The following PAK5 variants were observed in gnomAD, a reference collection of about 807,000 sequenced individuals.
The protein encoded by PAK5 is serine/threonine-protein kinase PAK 5.
A neutral mutation model predicts 65.9 loss-of-function variants in PAK5; 16 were observed. That is an observed-to-expected ratio of 0.24 (90% CI 0.16 to 0.37). The LOEUF is 0.37. Among genes scored for constraint, PAK5 ranks in the 10% least tolerant of loss-of-function variants. The pLI is 1.00. For missense variants in PAK5, 785 were observed against 903.9 expected, an observed-to-expected ratio of 0.87 and a Z score of 1.69; for synonymous variants, 371 against 354.9, an observed-to-expected ratio of 1.05 and a Z score of -0.51.
At chr20:9,579,849 T>G (rs2045946572) in intron 4 of PAK5, among the ~76,000 whole-genome samples, 2 of 152,228 alleles carry the variant, frequency 1.3e-5, no homozygotes, top group Non-Finnish European at 2.9e-5. Context: ...AGTCACATCA[T>G]ATTTATCACT....
chr20:9,826,827 C>G (rs563147270), intron 1 of PAK5, among the ~76,000 whole-genome samples: 2 of 152,354 alleles, frequency 1.3e-5, no homozygotes, highest in East Asian at 3.8e-4. Flanking sequence ...AGGAATCACA[C>G]CACCAATTAG....
intron 4 of PAK5, among the ~76,000 whole-genome samples, chr20:9,569,954 G>A (rs763845054): frequency 6.7e-6 from 1 of 149,190 alleles, no homozygotes; most frequent in Non-Finnish European, 1.5e-5. Context: ...CCTGGTTGCA[G>A]AGAGAACACA....
chr20:9,675,468 A>G (rs2047557054), intron 2 of PAK5, among the ~76,000 whole-genome samples: 1 of 152,146 alleles, frequency 6.6e-6, no homozygotes. Flanking sequence ...AAATGAATGG[A>G]TAAAACTTAA....
At chr20:9,700,999 A>G (rs1390164080) in intron 2 of PAK5, among the ~76,000 whole-genome samples, 1 of 152,110 alleles carries the variant, frequency 6.6e-6, no homozygotes, top group Non-Finnish European at 1.5e-5. Context: ...ATTCCCATAG[A>G]GCAATGATAG....
At chr20:9,666,234 A>G (rs558526131) in intron 2 of PAK5, among the ~76,000 whole-genome samples, 2 of 152,174 alleles carry the variant, frequency 1.3e-5, no homozygotes, top group Non-Finnish European at 2.9e-5. Context: ...AACTTGAGTC[A>G]TATAATTGAA....
rs188675566 is a variant in PAK5 at position 9,835,881 on chromosome 20, G to T, written c.-162+2881C>A. Among the ~76,000 whole-genome samples the T allele has an allele frequency of 1.2e-3, 177 of 152,242 alleles. 1 individual carries two copies. Among genetic ancestry groups the T allele is most frequent in the Non-Finnish European group, 2.8e-4 (19 of 68,012 alleles). ...ACTAGAAAGTTGTTAGCTTGCCTTT[G>T]TTGCTATTATTGTTTTTGTTATTTA... On this transcript the variant is annotated intron_variant, in intron 1 of 9. Transcript: ENST00000353224.
At chr20:9,830,562 A>G (rs1045765584) in intron 1 of PAK5, among the ~76,000 whole-genome samples, 4 of 152,172 alleles carry the variant, frequency 2.6e-5, no homozygotes, top group Non-Finnish European at 1.5e-5. Context: ...TGCCTGATCT[A>G]TTTCCATATT....
intron 4 of PAK5, among the ~76,000 whole-genome samples, chr20:9,567,621 A>G (rs2045704156): frequency 6.6e-6 from 1 of 152,206 alleles, no homozygotes; most frequent in African/African-American, 2.4e-5. Context: ...ACATTCATTC[A>G]TTTATTTCAA....
At position 9,575,374 on chromosome 20, in the gene PAK5, C is replaced by T. The variant is rs190542694; in HGVS notation, c.990+4771G>A. Among the ~76,000 whole-genome samples the T allele has an allele frequency of 3.5e-3, 540 of 152,226 alleles. 5 individuals are homozygous for T. Among genetic ancestry groups the T allele is most frequent in the Non-Finnish European group, 4.0e-3 (274 of 68,008 alleles). On this transcript the variant is annotated intron_variant, in intron 4 of 9. Coordinates refer to ENST00000353224, the MANE Select transcript of PAK5 (RefSeq NM_177990.4). Reference sequence around the variant, plus strand: ...CCAGTTCAAAGTAGGTACTGAAACACTTTAGAGATGATGAAACTGATGCAC... The same window carrying T: ...CCAGTTCAAAGTAGGTACTGAAACATTTTAGAGATGATGAAACTGATGCAC...
rs761793584 is a variant in PAK5, at chr20:9,538,170, T to C, written c.*1292A>G. ...ACAAGCAACACAAAATGTATTGTAG[T>C]AGTCATTCATTTTTATCAACATTCA... is the stretch of plus-strand genomic sequence containing the variant. On this transcript the variant is annotated 3_prime_UTR_variant, in exon 10 of 10. Coordinates refer to ENST00000353224, the MANE Select transcript of PAK5 (RefSeq NM_177990.4). 3 of 233,358 alleles carry C rather than the reference T, an allele frequency of 1.3e-5. No individual in the cohort carries two copies. The highest frequency in any genetic ancestry group is 5.6e-5 in the Admixed American group (1 of 17,780). 14.5% of individuals were successfully genotyped at this position (233,358 alleles called of 1,614,324 possible). A position where few individuals can be genotyped will look rare whatever the true frequency, so the allele number is the denominator to read the frequency against.
At chr20:9,724,430 C>A (rs2048252693) in intron 1 of PAK5, among the ~76,000 whole-genome samples, 1 of 152,126 alleles carries the variant, frequency 6.6e-6, no homozygotes, top group Admixed American at 6.5e-5. Flanking sequence ...GCCAATGAAG[C>A]CAAAAGCTCA....
intron 4 of PAK5, among the ~76,000 whole-genome samples, chr20:9,567,378 C>A (rs1466893358): frequency 6.6e-6 from 1 of 152,172 alleles, no homozygotes; most frequent in African/African-American, 2.4e-5. Context: ...CCCCTACCAT[C>A]CACCCCAAGG....
At chr20:9,765,072 G>A (rs780500647) in intron 1 of PAK5, among the ~76,000 whole-genome samples, 19 of 152,078 alleles carry the variant, frequency 1.2e-4, no homozygotes, top group African/African-American at 3.9e-4. Context: ...TTGCTCCAGC[G>A]GTGACCATGG....
chr20:9,721,369 C>G (rs2048210718), intron 1 of PAK5, among the ~76,000 whole-genome samples: 1 of 152,116 alleles, frequency 6.6e-6, no homozygotes, highest in South Asian at 2.1e-4. Context: ...GAATGTTGGC[C>G]AGGTGTGGTG....
At chr20:9,724,794 A>G (rs1600291295) in intron 1 of PAK5, among the ~76,000 whole-genome samples, 1 of 152,172 alleles carries the variant, frequency 6.6e-6, no homozygotes, top group Non-Finnish European at 1.5e-5. Flanking sequence ...CATAGCACAA[A>G]GATTCAGGAT....
intron 1 of PAK5, among the ~76,000 whole-genome samples, chr20:9,802,785 A>G (rs1223622699): frequency 6.6e-6 from 1 of 151,464 alleles, no homozygotes; most frequent in East Asian, 1.9e-4. Context: ...AAGAGACTGC[A>G]TCGGTCAATA....
At chr20:9,642,846 G>T (rs2047087666) in intron 3 of PAK5, among the ~76,000 whole-genome samples, 1 of 152,058 alleles carries the variant, frequency 6.6e-6, no homozygotes, top group Admixed American at 6.5e-5. Flanking sequence ...TAGTTGGTTT[G>T]AAAAGTTTTG....
intron 2 of PAK5, among the ~76,000 whole-genome samples, chr20:9,696,834 A>G (rs1055399420): frequency 6.6e-6 from 1 of 152,110 alleles, no homozygotes; most frequent in African/African-American, 2.4e-5. Context: ...GGGAAGATCC[A>G]GTTTTACTAG....
Position 9,716,346 on chromosome 20 carries a change from C to G in PAK5, c.-161-4911G>C, listed in dbSNP as rs1014611629. 5.3e-5 allele frequency among the ~76,000 whole-genome samples: 8 copies of G among 152,218 alleles called. No homozygotes were observed. The South Asian group carries it at 1.7e-3, about 32-fold the overall frequency. On this transcript the variant is annotated intron_variant, in intron 1 of 9. Coordinates refer to ENST00000353224, the MANE Select transcript of PAK5 (RefSeq NM_177990.4). ...AATTTCTTTTCTGCATCTTTTGATA[C>G]CCTATTCAAACAGTTCAGAGTATCA...
Sources: allele counts gnomAD v4.1 joint callset (sites outside exome capture counted in the v4.1 genomes callset), GRCh38; gene constraint gnomAD v4.1.1; transcripts MANE v1.5; gene names NCBI Gene and HGNC (gene_info 2026-07-23, HGNC 2026-07-21).